Variants in DIP2C observed in about 807,000 individuals in gnomAD.
DIP2C encodes the protein DIP2 acetate--CoA ligase C (putative).
In DIP2C, 33 loss-of-function variants were observed where a neutral mutation model predicts 192.4. The observed-to-expected ratio is 0.17, with a 90% confidence interval of 0.13 to 0.23. DIP2C has a LOEUF of 0.23. Among genes scored for constraint, DIP2C ranks in the 10% least tolerant of loss-of-function variants. DIP2C has a pLI of 1.00. For synonymous variants in DIP2C, 979 were observed against 864.1 expected (o/e 1.13, Z -2.33); for missense variants, 1,537 against 2,110.1 (o/e 0.73, Z 5.32).
intron 9 of DIP2C, among the ~76,000 whole-genome samples, chr10:401,332 A>T (rs1589710066): frequency 6.6e-6 from 1 of 151,862 alleles, no homozygotes; most frequent in East Asian, 1.9e-4. Context: ...CAGCACATGA[A>T]TCCTATGATT....
chr10:285,622 C>T (rs1955072784), intron 34 of DIP2C, among the ~76,000 whole-genome samples: 1 of 152,226 alleles, frequency 6.6e-6, no homozygotes, highest in Non-Finnish European at 1.5e-5. Context: ...AGACAAGTGG[C>T]CTCTCGGACT....
chr10:591,901 G>A (rs1395369752), intron 1 of DIP2C, among the ~76,000 whole-genome samples: 1 of 152,188 alleles, frequency 6.6e-6, no homozygotes, highest in Admixed American at 6.5e-5. Flanking sequence ...GAGGCGACCA[G>A]GAAATCACAT....
chr10:483,822 ATTTT>A (rs113550481), intron 2 of DIP2C, among the ~76,000 whole-genome samples: 2 of 147,322 alleles, frequency 1.4e-5, no homozygotes, highest in South Asian at 2.1e-4. Flanking sequence ...CATTTTACCA[ATTTT>A]TTTTTTTTGA....
chr10:323,653 T>C (rs3132019), intron 31 of DIP2C, among the ~76,000 whole-genome samples: 149,023 of 152,332 alleles, frequency 0.98, 72,961 homozygotes, highest in East Asian at 1. Context: ...ATTGTGATTA[T>C]CTCAGGGTAG....
At chr10:484,944 C>G (rs374113939) in intron 2 of DIP2C, 1 of 1,607,464 alleles carries the variant, frequency 6.2e-7, no homozygotes, top group Non-Finnish European at 8.5e-7. Context: ...CAGCTCCATT[C>G]GCTGCTGTAA....
At chr10:427,096 C>T (rs1197700724) in intron 4 of DIP2C, among the ~76,000 whole-genome samples, 1 of 152,202 alleles carries the variant, frequency 6.6e-6, no homozygotes, top group Non-Finnish European at 1.5e-5. Flanking sequence ...ACACACGTAT[C>T]TATTATCCTA....
chr10:604,112 C>T (rs368149586), intron 1 of DIP2C, among the ~76,000 whole-genome samples: 3 of 150,368 alleles, frequency 2.0e-5, no homozygotes, highest in East Asian at 4.0e-4. Context: ...TCCCTCTCAT[C>T]AAGGCATGTG....
intron 36 of DIP2C, among the ~76,000 whole-genome samples, chr10:279,450 C>T (rs1954697310): frequency 6.6e-6 from 1 of 152,232 alleles, no homozygotes; most frequent in African/African-American, 2.4e-5. Context: ...TCTCCTCTGC[C>T]AGGGACCTAT....
chr10:671,483 C>T (rs1311265055), intron 1 of DIP2C, among the ~76,000 whole-genome samples: 1 of 111,876 alleles, frequency 8.9e-6, no homozygotes, highest in Non-Finnish European at 1.8e-5. Context: ...GGAGGAAACG[C>T]CACAGACGCA....
At chr10:525,774 G>T (rs182035826) in intron 1 of DIP2C, among the ~76,000 whole-genome samples, 1 of 152,144 alleles carries the variant, frequency 6.6e-6, no homozygotes, top group South Asian at 2.1e-4. Flanking sequence ...CTAACCCTGC[G>T]ATGGCCAGGC....
chr10:607,892 G>C (rs925299687), intron 1 of DIP2C, among the ~76,000 whole-genome samples: 5 of 151,926 alleles, frequency 3.3e-5, no homozygotes, highest in Non-Finnish European at 7.4e-5. Context: ...TGTGTCATTC[G>C]CTAAGACGTA....
chr10:372,223 C>T (rs899808825), intron 17 of DIP2C, among the ~76,000 whole-genome samples: 8 of 152,050 alleles, frequency 5.3e-5, no homozygotes, highest in East Asian at 3.9e-4. Context: ...CTACAGGCGC[C>T]GCCACCACAG....
At position 418,070 on chromosome 10, in the gene DIP2C, A is replaced by AC. The variant is rs778661080; in HGVS notation, c.739+994dup. 6.8e-3 allele frequency among the ~76,000 whole-genome samples: 64 copies of AC among 9,442 alleles called. 19 individuals carry two copies. The highest frequency in any genetic ancestry group is 8.7e-3 in the Non-Finnish European group (30 of 3,466). The allele number at this position is 9,442 out of a possible 152,430, so 6.2% of individuals were successfully genotyped here. A position where few individuals can be genotyped will look rare whatever the true frequency, so the allele number is the denominator to read the frequency against. ...AGGGCTTCGATAGGCCTCCCTGTTC[A>AC]CTGCACCTGTCAGGCCTCAGATAGG... On this transcript the variant is annotated intron_variant, in intron 6 of 36. Coordinates refer to ENST00000280886, the MANE Select transcript of DIP2C (RefSeq NM_014974.3).
intron 1 of DIP2C, among the ~76,000 whole-genome samples, chr10:598,622 A>G (rs1175406319): frequency 1.3e-5 from 2 of 148,322 alleles, no homozygotes; most frequent in African/African-American, 5.0e-5. Context: ...CTGCTTCCTC[A>G]AATTCTTTCC....
chr10:292,472 A>C (rs946291373), intron 32 of DIP2C, among the ~76,000 whole-genome samples: 2 of 152,236 alleles, frequency 1.3e-5, no homozygotes, highest in African/African-American at 4.8e-5. Context: ...AAGCAGAGAT[A>C]GAGAGTTGAC....
rs565477238 is a variant in DIP2C, at chr10:448,559, C to T, written c.269-7563G>A. Reference sequence around the variant, plus strand: ...TCACACACAGTGGGGCAGCAGGACCCGCTCACTCCCGTTGATACTCAGGAT... The same window carrying T: ...TCACACACAGTGGGGCAGCAGGACCTGCTCACTCCCGTTGATACTCAGGAT... On this transcript the variant is annotated intron_variant, in intron 3 of 36. Coordinates refer to ENST00000280886, the MANE Select transcript of DIP2C (RefSeq NM_014974.3). Among the ~76,000 whole-genome samples, 20 of 135,662 alleles carry T rather than the reference C, an allele frequency of 1.5e-4. No homozygotes were observed. The South Asian group carries it at 1.8e-3, about 12-fold the overall frequency. 89.0% of individuals were successfully genotyped at this position (135,662 alleles called of 152,430 possible).
chr10:618,302 C>G (rs1778001255), intron 1 of DIP2C, among the ~76,000 whole-genome samples: 1 of 152,200 alleles, frequency 6.6e-6, no homozygotes, highest in Admixed American at 6.5e-5. Context: ...CAAAGGAAAA[C>G]TGGGTTCTGG....
At chr10:671,418 C>T (rs571027009) in intron 1 of DIP2C, among the ~76,000 whole-genome samples, 3 of 130,520 alleles carry the variant, frequency 2.3e-5, no homozygotes, top group East Asian at 2.4e-4. Flanking sequence ...GACGCACGGA[C>T]GGAGGAAACG....
intron 1 of DIP2C, among the ~76,000 whole-genome samples, chr10:624,359 C>T (rs1035564873): frequency 6.6e-6 from 1 of 152,210 alleles, no homozygotes; most frequent in South Asian, 2.1e-4. Context: ...GGGGAGCCCA[C>T]AGACAGCATC....
Sources: gnomAD v4.1 joint callset for allele counts (sites outside exome capture counted in the v4.1 genomes callset) on GRCh38, gnomAD v4.1.1 for gene constraint, MANE v1.5 for transcripts, NCBI Gene and HGNC (gene_info 2026-07-23, HGNC 2026-07-21) for gene names.